The following MREG variants were observed in gnomAD, a reference collection of about 807,000 sequenced individuals.
MREG encodes melanoregulin, also known as dilute suppressor protein homolog.
In MREG, 31 loss-of-function variants were observed where a neutral mutation model predicts 28.5. That is an observed-to-expected ratio of 1.09 (90% confidence interval 0.82 to 1.47). MREG has a LOEUF of 1.47. Ranked by LOEUF, MREG falls within the 40% of genes most tolerant of loss-of-function variation. The pLI is 0.00. For missense variants in MREG, 256 were observed against 257.4 expected (o/e 0.99, Z 0.04); for synonymous variants, 106 against 95.2 (o/e 1.11, Z -0.66).
At chr2:216,014,473 GC>G (rs1387103897), upstream of MREG, among the ~76,000 whole-genome samples, 1 of 151,802 alleles carries the variant, frequency 6.6e-6, no homozygotes, top group Non-Finnish European at 1.5e-5. Context: ...ACATGGTGAA[GC>G]CCCGTCTCTA....
chr2:215,960,887 C>T (rs771848278), intron 2 of MREG, among the ~76,000 whole-genome samples: 6 of 152,032 alleles, frequency 3.9e-5, no homozygotes, highest in South Asian at 2.1e-4. Flanking sequence ...TGGGCCTGGA[C>T]GGTGTCAAGG....
rs73072148 is a variant in MREG, at chr2:215,958,434, T to C, written c.256-11321A>G. ...CTGCACATTTTAACAAACATCCAAA[T>C]GTATGACTGTATTTGCCAAACCCAA... On this transcript the variant is annotated intron_variant, in intron 2 of 4. Transcript: ENST00000263268. Among the ~76,000 whole-genome samples the C allele has an allele frequency of 5.9e-3, 892 of 152,260 alleles. 10 individuals carry two copies. The highest frequency in any genetic ancestry group is 0.019 in the African/African-American group (800 of 41,540).
intron 1 of MREG, among the ~76,000 whole-genome samples, chr2:216,012,659 A>G (rs1045786894): frequency 6.6e-6 from 1 of 152,216 alleles, no homozygotes; most frequent in Non-Finnish European, 1.5e-5. Context: ...ATTGCTAATG[A>G]GCATTACATT....
intron 1 of MREG, among the ~76,000 whole-genome samples, chr2:216,007,742 C>CTTTT (rs35798836): frequency 5.4e-5 from 8 of 149,008 alleles, no homozygotes; most frequent in African/African-American, 9.8e-5. Context: ...CACTTAGCGG[C>CTTTT]TTTTTTTTTG....
chr2:215,976,645 G>A (rs2105996061), intron 2 of MREG, among the ~76,000 whole-genome samples: 1 of 152,304 alleles, frequency 6.6e-6, no homozygotes, highest in East Asian at 1.9e-4. Context: ...ATAAGTGTCA[G>A]TTGTCGGGAA....
chr2:215,994,899 A>G (rs1436755002), intron 2 of MREG, among the ~76,000 whole-genome samples: 2 of 152,036 alleles, frequency 1.3e-5, no homozygotes. Flanking sequence ...AAAGAGAGAG[A>G]GAGAGACACT....
upstream of MREG, among the ~76,000 whole-genome samples, chr2:216,014,421 C>T (rs1574656906): frequency 6.6e-6 from 1 of 152,040 alleles, no homozygotes; most frequent in Non-Finnish European, 1.5e-5. Context: ...GAGGCCGACG[C>T]GGGCGGATCA....
intron 2 of MREG, among the ~76,000 whole-genome samples, chr2:215,963,384 C>G (rs566805458): frequency 6.9e-6 from 1 of 145,016 alleles, no homozygotes; most frequent in Non-Finnish European, 1.5e-5. Context: ...AGGCCGAGAT[C>G]GTGATCATGC....
rs775076259 is a variant in MREG, at chr2:215,996,360, G to C, written c.201C>G (p.Asp67Glu). The C allele has an allele frequency of 1.2e-6, 2 of 1,614,032 alleles. No homozygotes were observed. Among genetic ancestry groups the C allele is most frequent in the East Asian group, 4.5e-5 (2 of 44,888 alleles). Residue 67 changes from aspartate (D) to glutamate (E), a missense_variant, in exon 2 of 5, where the codon GAC becomes GAG. Asp to Glu is a conservative substitution (Grantham distance 45). Coordinates refer to ENST00000263268, the MANE Select transcript of MREG (RefSeq NM_018000.3). ...TGACTATCAAATTGTACAGGGTTCTGTCGTCGTCTGCCTCTGTGTGGGACA... is the reference window on the plus strand; with the variant it reads ...TGACTATCAAATTGTACAGGGTTCTCTCGTCGTCTGCCTCTGTGTGGGACA... ...HDVSHTEADDDRTLYNLIVIR... is the reference protein window; with the variant it reads ...HDVSHTEADDERTLYNLIVIR...
intron 2 of MREG, among the ~76,000 whole-genome samples, chr2:215,979,824 T>A (rs1693370397): frequency 6.6e-6 from 1 of 151,854 alleles, no homozygotes; most frequent in African/African-American, 2.4e-5. Context: ...ACTGAGTAGG[T>A]CACTGGAGGC....
chr2:216,024,541 T>C (rs1411555250), intron 1 of MREG, among the ~76,000 whole-genome samples: 1 of 151,990 alleles, frequency 6.6e-6, no homozygotes, highest in African/African-American at 2.4e-5. Context: ...GAGCAGAACC[T>C]GTCCAATTGT....
At chr2:216,027,962 T>C (rs1315067744) in intron 1 of MREG, among the ~76,000 whole-genome samples, 4 of 152,216 alleles carry the variant, frequency 2.6e-5, no homozygotes, top group African/African-American at 9.6e-5. Context: ...TTAATAAAAC[T>C]TGAAATTTTA....
At chr2:215,952,848 A>G (rs933544668) in intron 2 of MREG, among the ~76,000 whole-genome samples, 2 of 152,176 alleles carry the variant, frequency 1.3e-5, no homozygotes, top group Non-Finnish European at 2.9e-5. Flanking sequence ...AGCTACTTCC[A>G]TAACTCCAAG....
At chr2:215,970,886 T>A (rs566110964) in intron 2 of MREG, among the ~76,000 whole-genome samples, 40 of 152,262 alleles carry the variant, frequency 2.6e-4, no homozygotes, top group African/African-American at 9.1e-4. Context: ...CCAGCCCAAA[T>A]GCCCATCAAT....
At chr2:215,948,697 T>G (rs1037436977) in intron 2 of MREG, among the ~76,000 whole-genome samples, 2 of 152,210 alleles carry the variant, frequency 1.3e-5, no homozygotes, top group Non-Finnish European at 2.9e-5. Context: ...CCTGAGTGTC[T>G]GGGTTTGAAT....
intron 1 of MREG, among the ~76,000 whole-genome samples, chr2:216,008,455 T>C (rs1322827629): frequency 1.3e-5 from 2 of 152,238 alleles, no homozygotes; most frequent in Admixed American, 6.5e-5. Context: ...ACAATAGCTA[T>C]GATTTTATGT....
At chr2:216,015,519 C>T (rs900244409), upstream of MREG, among the ~76,000 whole-genome samples, 38 of 152,146 alleles carry the variant, frequency 2.5e-4, no homozygotes, top group African/African-American at 8.7e-4. Flanking sequence ...CTGGATTTTG[C>T]TCCACATGAG....
intron 2 of MREG, among the ~76,000 whole-genome samples, chr2:215,949,091 T>G (rs547018846): frequency 6.7e-5 from 9 of 134,558 alleles, no homozygotes; most frequent in African/African-American, 2.5e-4. Context: ...CTACTACTAA[T>G]AATAATAATA....
At chr2:215,952,583 A>G (rs1692518745) in intron 2 of MREG, among the ~76,000 whole-genome samples, 1 of 152,186 alleles carries the variant, frequency 6.6e-6, no homozygotes, top group African/African-American at 2.4e-5. Flanking sequence ...AAGGGGACTT[A>G]TACACTTAAA....
Sources: allele counts gnomAD v4.1 joint callset (sites outside exome capture counted in the v4.1 genomes callset), GRCh38; gene constraint gnomAD v4.1.1; transcripts MANE v1.5; gene names NCBI Gene and HGNC (gene_info 2026-07-23, HGNC 2026-07-21).